Variants in DIP2C observed in about 807,000 individuals in gnomAD.
DIP2C encodes DIP2 acetate--CoA ligase C (putative).
In DIP2C, 33 loss-of-function variants were observed where a neutral mutation model predicts 192.4. The ratio of observed to expected loss-of-function variants is 0.17; its 90% CI spans 0.13 to 0.23. DIP2C has a LOEUF of 0.23. Among genes scored for constraint, DIP2C ranks in the 10% least tolerant of loss-of-function variants. The probability of loss-of-function intolerance (pLI) is 1.00; values close to 1 mark genes in which losing one functional copy is unlikely to be tolerated. For synonymous variants in DIP2C, 979 were observed against 864.1 expected (o/e 1.13, Z -2.33); for missense variants, 1,537 against 2,110.1 (o/e 0.73, Z 5.32).
At chr10:568,416 C>T (rs968619408) in intron 1 of DIP2C, among the ~76,000 whole-genome samples, 1 of 152,088 alleles carries the variant, frequency 6.6e-6, no homozygotes, top group East Asian at 1.9e-4. Context: ...ACGAATCATC[C>T]AAGATCAGTA....
chr10:509,417 G>T lies in DIP2C; in HGVS notation c.86-22887C>A, dbSNP rs146711275. ...CAGGTCCTTCCCTGGATCCATCCGC[G>T]CTGCTCCCCCTCCCACCCCGAGGCA... is the stretch of plus-strand genomic sequence containing the variant. On this transcript the variant is annotated intron_variant, in intron 1 of 36. Transcript: ENST00000280886. 5.9e-3 allele frequency among the ~76,000 whole-genome samples: 905 copies of T among 152,232 alleles called. 9 individuals carry two copies. Among genetic ancestry groups the T allele is most frequent in the African/African-American group, 0.02 (833 of 41,514 alleles).
At chr10:297,944 C>CT (rs1176187039) in intron 32 of DIP2C, among the ~76,000 whole-genome samples, 1 of 152,162 alleles carries the variant, frequency 6.6e-6, no homozygotes, top group East Asian at 1.9e-4. Flanking sequence ...TAAAAATACA[C>CT]TTTTTAGGAG....
chr10:358,848 G>A (rs1050298060), intron 22 of DIP2C, among the ~76,000 whole-genome samples: 3 of 137,282 alleles, frequency 2.2e-5, no homozygotes, highest in African/African-American at 8.3e-5. Context: ...GATGGGCAGG[G>A]GGAGGAGCAG....
At chr10:686,666 C>T (rs770245232) in intron 1 of DIP2C, among the ~76,000 whole-genome samples, 1 of 152,262 alleles carries the variant, frequency 6.6e-6, no homozygotes, top group Non-Finnish European at 1.5e-5. Flanking sequence ...TTTTGCTGGC[C>T]GCATGCTCTG....
In DIP2C at chr10:416,070, C is replaced by T. The variant is rs552114177; in HGVS notation, c.740-182G>A. 4.6e-5 allele frequency among the ~76,000 whole-genome samples: 7 copies of T among 151,608 alleles called. No individual in the cohort carries two copies. In the South Asian group the frequency reaches 1.3e-3, roughly 27 times the overall value. ...GTAGCCCCGTGGCTAGGCAGGAGAC[C>T]GGACAGAGATACATCGGACCCGAAT... On this transcript the variant is annotated intron_variant, in intron 6 of 36. Transcript: ENST00000280886.
chr10:358,366 C>A (rs1959173579), intron 22 of DIP2C, among the ~76,000 whole-genome samples: 1 of 150,668 alleles, frequency 6.6e-6, no homozygotes, highest in Non-Finnish European at 1.5e-5. Context: ...TGGCTGTGGA[C>A]AAACAGACAG....
intron 1 of DIP2C, among the ~76,000 whole-genome samples, chr10:594,247 A>G (rs981023504): frequency 1.9e-4 from 29 of 152,268 alleles, no homozygotes; most frequent in Admixed American, 1.6e-3. Context: ...GCCCTTTCCT[A>G]TCTGCACAGC....
intron 1 of DIP2C, among the ~76,000 whole-genome samples, chr10:501,727 A>T (rs546931326): frequency 6.6e-6 from 1 of 152,174 alleles, no homozygotes; most frequent in Non-Finnish European, 1.5e-5. Context: ...TGAATTCAAC[A>T]CATAGGCACC....
At chr10:545,461 T>C (rs1338443075) in intron 1 of DIP2C, among the ~76,000 whole-genome samples, 2 of 152,162 alleles carry the variant, frequency 1.3e-5, no homozygotes, top group African/African-American at 4.8e-5. Flanking sequence ...CAGCCATGAC[T>C]GGTGTTCTTA....
chr10:623,671 AG>A (rs1456086368), intron 1 of DIP2C, among the ~76,000 whole-genome samples: 1 of 52,394 alleles, frequency 1.9e-5, no homozygotes, highest in Non-Finnish European at 3.3e-5. Flanking sequence ...GAGGGATGCA[AG>A]GCTGAAGGGA....
chr10:584,152 C>T (rs961731057), intron 1 of DIP2C, among the ~76,000 whole-genome samples: 10 of 152,110 alleles, frequency 6.6e-5, no homozygotes, highest in Non-Finnish European at 1.2e-4. Flanking sequence ...ACTGCACCCC[C>T]ACATAACTAA....
At position 454,046 on chromosome 10, in the gene DIP2C, A is replaced by G. The variant is rs906745614; in HGVS notation, c.269-13050T>C. On this transcript the variant is annotated intron_variant, in intron 3 of 36. Transcript: ENST00000280886. Reference sequence around the variant, plus strand: ...GGACTCAGATCCATGGTTTCTGAAGAAGGCAATAAAGGGTGAATTTGGAGC... The same window carrying G: ...GGACTCAGATCCATGGTTTCTGAAGGAGGCAATAAAGGGTGAATTTGGAGC... Among the ~76,000 whole-genome samples the G allele has an allele frequency of 3.3e-5, 5 of 152,358 alleles. No homozygotes were observed. The South Asian group carries it at 8.3e-4, about 25-fold the overall frequency.
At chr10:667,774 A>T (rs111876817) in intron 1 of DIP2C, 1 of 152,290 alleles carries the variant, frequency 6.6e-6, no homozygotes. Context: ...ACATGCACAT[A>T]CAACACACAA....
chr10:367,090 C>T (rs1460056459), intron 18 of DIP2C, among the ~76,000 whole-genome samples: 1 of 152,200 alleles, frequency 6.6e-6, no homozygotes, highest in Non-Finnish European at 1.5e-5. Flanking sequence ...GAGTACAGAA[C>T]AGTGGAAACA....
At chr10:518,314 G>A (rs1846492216) in intron 1 of DIP2C, among the ~76,000 whole-genome samples, 2 of 152,226 alleles carry the variant, frequency 1.3e-5, no homozygotes, top group Non-Finnish European at 2.9e-5. Context: ...GAGTACAACT[G>A]CCAGGAAAGC....
chr10:390,599 G>A (rs756851193), intron 11 of DIP2C, 141 bp downstream of exon 11: 40 of 1,402,906 alleles, frequency 2.9e-5, no homozygotes, highest in Non-Finnish European at 3.8e-5. Context: ...CATCAGGGAC[G>A]AGAACGCGTG....
intron 1 of DIP2C, among the ~76,000 whole-genome samples, chr10:515,666 G>A (rs1237804562): frequency 6.6e-6 from 1 of 152,152 alleles, no homozygotes; most frequent in Non-Finnish European, 1.5e-5. Context: ...AGAGGTTGCG[G>A]TGAGCCAAGA....
At chr10:340,789 G>C (rs1958106043) in intron 29 of DIP2C, 1 of 458,194 alleles carries the variant, frequency 2.2e-6, no homozygotes, top group African/African-American at 2.0e-5. Context: ...CTCTGGGCTT[G>C]CCCAGCCTAA....
intron 1 of DIP2C, among the ~76,000 whole-genome samples, chr10:543,163 G>T (rs901499809): frequency 6.6e-6 from 1 of 152,204 alleles, no homozygotes; most frequent in Non-Finnish European, 1.5e-5. Context: ...ACCAGTCTTC[G>T]CAAGGATCGT....
Sources: gnomAD v4.1 joint callset for allele counts (sites outside exome capture counted in the v4.1 genomes callset) on GRCh38, gnomAD v4.1.1 for gene constraint, MANE v1.5 for transcripts, NCBI Gene and HGNC (gene_info 2026-07-23, HGNC 2026-07-21) for gene names.